SNX30: variants seen among roughly 807,000 people sequenced by gnomAD.
SNX30 encodes the protein sorting nexin-30.
Under a neutral mutation model 46.4 loss-of-function variants are expected in SNX30, and 24 were observed. The observed-to-expected ratio is 0.52, with a 90% CI of 0.37 to 0.73. SNX30 has a LOEUF of 0.73. SNX30 is among the 30% of genes least tolerant of loss of function. The pLI is 0.00. For synonymous variants in SNX30, 189 were observed against 211.5 expected, an observed-to-expected ratio of 0.89 and a Z score of 0.92; for missense variants, 533 against 555.7, an observed-to-expected ratio of 0.96 and a Z score of 0.41.
At chr9:112,867,017 C>T (rs1841363558) in intron 8 of SNX30, among the ~76,000 whole-genome samples, 1 of 148,166 alleles carries the variant, frequency 6.7e-6, no homozygotes. Context: ...CCTCCCCCCT[C>T]CTCAGAATTC....
At chr9:112,817,634 C>A in intron 2 of SNX30, 71 bp from the exon 3 acceptor site, 2 of 906,898 alleles carry the variant, frequency 2.2e-6, no homozygotes, top group Non-Finnish European at 3.6e-6. Context: ...ATTCTAAGAG[C>A]TTTTTTCCTT....
chr9:112,785,450 C>G (rs1406992142), intron 1 of SNX30, among the ~76,000 whole-genome samples: 1 of 149,160 alleles, frequency 6.7e-6, no homozygotes, highest in Non-Finnish European at 1.5e-5. Context: ...GTGGCACAAT[C>G]TCGGCTCACT....
At chr9:112,791,639 G>C (rs2131388500) in intron 1 of SNX30, among the ~76,000 whole-genome samples, 1 of 151,852 alleles carries the variant, frequency 6.6e-6, no homozygotes, top group East Asian at 1.9e-4. Context: ...TTCAATCTTT[G>C]ACCTCGTGAT....
At chr9:112,884,513 A>G (rs901191140), downstream of SNX30, among the ~76,000 whole-genome samples, 6 of 152,210 alleles carry the variant, frequency 3.9e-5, no homozygotes, top group Non-Finnish European at 7.3e-5. Flanking sequence ...GAGATTCTCA[A>G]TCTTGGTTGT....
At chr9:112,848,928 C>G (rs1367394704) in intron 6 of SNX30, among the ~76,000 whole-genome samples, 1 of 152,212 alleles carries the variant, frequency 6.6e-6, no homozygotes, top group Non-Finnish European at 1.5e-5. Flanking sequence ...CCCCAGGAGC[C>G]CCCACGCTGT....
chr9:112,856,043 C>T (rs1841121414), intron 7 of SNX30, among the ~76,000 whole-genome samples: 1 of 152,160 alleles, frequency 6.6e-6, no homozygotes, highest in African/African-American at 2.4e-5. Context: ...TTCCTGTCTT[C>T]TGCGTTGGAC....
intron 1 of SNX30, among the ~76,000 whole-genome samples, chr9:112,766,198 A>T (rs945235361): frequency 6.6e-6 from 1 of 152,170 alleles, no homozygotes; most frequent in Non-Finnish European, 1.5e-5. Flanking sequence ...GTCATGGAAA[A>T]TTCACACTTC....
At chr9:112,775,933 A>T (rs1344313487) in intron 1 of SNX30, among the ~76,000 whole-genome samples, 2 of 152,086 alleles carry the variant, frequency 1.3e-5, no homozygotes, top group African/African-American at 4.8e-5. Context: ...TTCATTTTTA[A>T]TGATTACATA....
At chr9:112,763,360 C>CT (rs751720343) in intron 1 of SNX30, among the ~76,000 whole-genome samples, 22,975 of 47,604 alleles carry the variant, frequency 0.48, 8,495 homozygotes, top group South Asian at 0.63. Context: ...GCTATTTAAA[C>CT]TTTTTTTTTT....
chr9:112,790,067 C>G (rs1364670493), intron 1 of SNX30, among the ~76,000 whole-genome samples: 1 of 152,152 alleles, frequency 6.6e-6, no homozygotes, highest in Non-Finnish European at 1.5e-5. Flanking sequence ...TACAAGCAAC[C>G]TTGGAGTTTT....
chr9:112,782,784 T>G (rs1417999997), intron 1 of SNX30, among the ~76,000 whole-genome samples: 1 of 152,234 alleles, frequency 6.6e-6, no homozygotes, highest in African/African-American at 2.4e-5. Context: ...GAGATGAGAT[T>G]CCCCTTAACC....
intron 5 of SNX30, among the ~76,000 whole-genome samples, chr9:112,837,665 T>A (rs1840779304): frequency 6.6e-6 from 1 of 151,230 alleles, no homozygotes; most frequent in African/African-American, 2.4e-5. Context: ...TTAGTAGAGA[T>A]TGGGTTTCAC....
At chr9:112,835,419 C>T (rs1320615648) in intron 4 of SNX30, among the ~76,000 whole-genome samples, 1 of 152,020 alleles carries the variant, frequency 6.6e-6, no homozygotes, top group East Asian at 1.9e-4. Context: ...GATTCTCGTG[C>T]CTCAGCCTCC....
intron 3 of SNX30, among the ~76,000 whole-genome samples, chr9:112,819,951 C>T (rs147437329): frequency 6.6e-6 from 1 of 152,184 alleles, no homozygotes; most frequent in Non-Finnish European, 1.5e-5. Context: ...TTGTACTGTA[C>T]TCTTTGGAAG....
At chr9:112,884,012 G>A (rs1190805616), downstream of SNX30, among the ~76,000 whole-genome samples, 1 of 152,164 alleles carries the variant, frequency 6.6e-6, no homozygotes, top group Non-Finnish European at 1.5e-5. Context: ...TGTTTATGAA[G>A]AATGAGGCAT....
chr9:112,762,704 G>A (rs1201551461), intron 1 of SNX30, among the ~76,000 whole-genome samples: 1 of 152,220 alleles, frequency 6.6e-6, no homozygotes, highest in Non-Finnish European at 1.5e-5. Flanking sequence ...CCCTGAGAAA[G>A]CATTTAATCG....
intron 8 of SNX30, chr9:112,866,363 CATAT>C (rs1841343823): frequency 4.5e-6 from 2 of 445,708 alleles, no homozygotes; most frequent in Non-Finnish European, 9.3e-6. Context: ...GCTTGGAAAA[CATAT>C]ATTCCAGGTA....
At chr9:112,758,255 T>A (rs1839381330) in intron 1 of SNX30, among the ~76,000 whole-genome samples, 1 of 152,114 alleles carries the variant, frequency 6.6e-6, no homozygotes, top group Non-Finnish European at 1.5e-5. Context: ...TTTGGCCTCC[T>A]GACTTACCCC....
downstream of SNX30, chr9:112,877,811 G>A (rs1032907033): frequency 3.9e-5 from 6 of 151,966 alleles, no homozygotes; most frequent in Non-Finnish European, 5.9e-5. Flanking sequence ...CCTTGAACTC[G>A]GGCTCAAGCG....
Sources: allele counts gnomAD v4.1 joint callset (sites outside exome capture counted in the v4.1 genomes callset), GRCh38; gene constraint gnomAD v4.1.1; transcripts MANE v1.5; gene names NCBI Gene and HGNC (gene_info 2026-07-23, HGNC 2026-07-21).